ARB2A: variants seen among roughly 807,000 people sequenced by gnomAD.
The protein encoded by ARB2A is ARB2 cotranscriptional regulator A.
the ARB2A span, among the ~76,000 whole-genome samples, chr5:93,927,931 T>C: frequency 6.6e-6 from 1 of 152,090 alleles, no homozygotes; most frequent in African/African-American, 2.4e-5. Context: ...TAAAAATCAT[T>C]AATTTTCTGT....
the ARB2A span, among the ~76,000 whole-genome samples, chr5:94,059,710 T>A: frequency 6.7e-6 from 1 of 148,688 alleles, no homozygotes; most frequent in African/African-American, 2.5e-5. Flanking sequence ...TTTCAGGAGC[T>A]ATGCAAACAA....
chr5:93,875,801 A>C, the ARB2A span, among the ~76,000 whole-genome samples: 1 of 138,094 alleles, frequency 7.2e-6, no homozygotes, highest in Non-Finnish European at 1.6e-5. Context: ...ATCTGGGGGC[A>C]AAAAAAAAAA....
the ARB2A span, among the ~76,000 whole-genome samples, chr5:93,850,042 T>C: frequency 3.9e-5 from 6 of 152,170 alleles, no homozygotes; most frequent in Non-Finnish European, 7.4e-5. Context: ...ATAAGCCAAC[T>C]GATACTTGAG....
the ARB2A span, among the ~76,000 whole-genome samples, chr5:93,625,972 G>A: frequency 6.6e-6 from 1 of 152,130 alleles, no homozygotes; most frequent in Non-Finnish European, 1.5e-5. Context: ...CATCAACCCT[G>A]CCCACACTCC....
the ARB2A span, among the ~76,000 whole-genome samples, chr5:93,872,075 A>G: frequency 6.6e-6 from 1 of 151,254 alleles, no homozygotes; most frequent in Admixed American, 6.6e-5. Flanking sequence ...CAGCCTCCAG[A>G]GTAGCCGGGA....
At chr5:94,026,124 G>A in the ARB2A span, among the ~76,000 whole-genome samples, 2 of 152,134 alleles carry the variant, frequency 1.3e-5, no homozygotes, top group African/African-American at 2.4e-5. Context: ...AAGCTCCAGA[G>A]AGGATGTTAC....
chr5:93,846,554 A>T, the ARB2A span, among the ~76,000 whole-genome samples: 2 of 152,066 alleles, frequency 1.3e-5, no homozygotes, highest in African/African-American at 4.8e-5. Context: ...ATGCAAAATA[A>T]GAAGCCTGGC....
chr5:93,761,491 C>T, the ARB2A span, among the ~76,000 whole-genome samples: 1 of 152,324 alleles, frequency 6.6e-6, no homozygotes, highest in Middle Eastern at 3.4e-3. Flanking sequence ...AACTGCAAGG[C>T]AGAAGCGAGG....
the ARB2A span, among the ~76,000 whole-genome samples, chr5:93,699,349 C>G: frequency 6.6e-6 from 1 of 152,046 alleles, no homozygotes; most frequent in Admixed American, 6.6e-5. Flanking sequence ...TAGTTTGGTT[C>G]GCAAAAAAGT....
the ARB2A span, among the ~76,000 whole-genome samples, chr5:94,057,902 T>G: frequency 6.6e-6 from 1 of 152,148 alleles, no homozygotes; most frequent in Admixed American, 6.5e-5. Context: ...ATTTGAATAA[T>G]CCAAGGTGGC....
chr5:93,659,816 G>A, the ARB2A span, among the ~76,000 whole-genome samples: 5 of 152,036 alleles, frequency 3.3e-5, no homozygotes, highest in African/African-American at 7.2e-5. Context: ...TTATAAACAC[G>A]TCTATCCACT....
the ARB2A span, among the ~76,000 whole-genome samples, chr5:93,798,579 A>G: frequency 1.3e-5 from 2 of 152,148 alleles, no homozygotes; most frequent in East Asian, 1.9e-4. Flanking sequence ...TAATAATGGC[A>G]TGGCTCCACC....
the ARB2A span, among the ~76,000 whole-genome samples, chr5:94,022,983 A>G: frequency 6.6e-6 from 1 of 152,220 alleles, no homozygotes; most frequent in Non-Finnish European, 1.5e-5. Flanking sequence ...TCTTCCCCAC[A>G]TCACCTCAAC....
chr5:93,977,695 T>C, the ARB2A span, among the ~76,000 whole-genome samples: 1 of 152,024 alleles, frequency 6.6e-6, no homozygotes, highest in Non-Finnish European at 1.5e-5. Flanking sequence ...CTCTTCCAGA[T>C]GGTGGCCTAA....
At chr5:93,771,369 C>T in the ARB2A span, among the ~76,000 whole-genome samples, 2 of 151,570 alleles carry the variant, frequency 1.3e-5, no homozygotes, top group Admixed American at 6.6e-5. Context: ...AAAACCTAGG[C>T]AATACCATTC....
At chr5:93,898,666 A>T in the ARB2A span, among the ~76,000 whole-genome samples, 7 of 152,080 alleles carry the variant, frequency 4.6e-5, no homozygotes, top group African/African-American at 1.7e-4. Context: ...TCAATATGGG[A>T]ACTATTCTCA....
the ARB2A span, among the ~76,000 whole-genome samples, chr5:93,675,050 T>C: frequency 6.6e-6 from 1 of 152,232 alleles, no homozygotes; most frequent in Non-Finnish European, 1.5e-5. Context: ...TACAGTTTAG[T>C]ATATTTTCAT....
the ARB2A span, among the ~76,000 whole-genome samples, chr5:93,692,001 A>C: frequency 6.6e-6 from 1 of 152,198 alleles, no homozygotes. Context: ...CACCAGGCCT[A>C]CCTTACAAGA....
the ARB2A span, among the ~76,000 whole-genome samples, chr5:93,853,760 A>T: frequency 6.6e-6 from 1 of 152,132 alleles, no homozygotes; most frequent in African/African-American, 2.4e-5. Flanking sequence ...TGGATTACAT[A>T]AATTGATTTG....
Sources: allele counts gnomAD v4.1 joint callset (sites outside exome capture counted in the v4.1 genomes callset), GRCh38; gene constraint gnomAD v4.1.1; transcripts MANE v1.5; gene names NCBI Gene and HGNC (gene_info 2026-07-23, HGNC 2026-07-21).